Variants in SYNPR observed in about 807,000 individuals in gnomAD.
The protein encoded by SYNPR is synaptoporin.
In SYNPR, 23 loss-of-function variants were observed where a neutral mutation model predicts 32.9. That is an observed-to-expected ratio of 0.70 (90% CI 0.50 to 0.99). The LOEUF (loss-of-function observed/expected upper bound fraction) is 0.99, where lower values mean the gene tolerates loss of function less well. Among genes scored for constraint, SYNPR ranks in the 50% least tolerant of loss-of-function variants. SYNPR has a pLI of 0.00. For synonymous variants in SYNPR, 146 were observed against 135.9 expected, an observed-to-expected ratio of 1.07 and a Z score of -0.52; for missense variants, 318 against 349.3, an observed-to-expected ratio of 0.91 and a Z score of 0.71.
At chr3:63,285,722 A>G (rs960002939) in intron 2 of SYNPR, among the ~76,000 whole-genome samples, 1 of 152,178 alleles carries the variant, frequency 6.6e-6, no homozygotes, top group Non-Finnish European at 1.5e-5. Context: ...AATGCTTCTT[A>G]TGGATTTGAA....
At chr3:63,230,785 G>C (rs2086161181) in intron 1 of SYNPR, among the ~76,000 whole-genome samples, 2 of 152,110 alleles carry the variant, frequency 1.3e-5, no homozygotes, top group African/African-American at 2.4e-5. Context: ...GGATAAATAA[G>C]ATTTTACGGA....
At chr3:63,343,560 C>T (rs1386899553) in intron 2 of SYNPR, among the ~76,000 whole-genome samples, 1 of 152,094 alleles carries the variant, frequency 6.6e-6, no homozygotes, top group Non-Finnish European at 1.5e-5. Context: ...TACAACCCTC[C>T]TTTTTTTGTT....
intron 3 of SYNPR, among the ~76,000 whole-genome samples, chr3:63,540,105 A>C (rs1026424999): frequency 6.6e-6 from 1 of 152,162 alleles, no homozygotes; most frequent in Admixed American, 6.5e-5. Context: ...AGTTATAATA[A>C]TAGTATTTAT....
intron 2 of SYNPR, among the ~76,000 whole-genome samples, chr3:63,297,635 T>G (rs2086802778): frequency 6.6e-6 from 1 of 152,222 alleles, no homozygotes; most frequent in Non-Finnish European, 1.5e-5. Context: ...TTATTTATTC[T>G]ATAATTAGCA....
intron 4 of SYNPR, among the ~76,000 whole-genome samples, chr3:63,596,111 C>T (rs900656933): frequency 6.7e-6 from 1 of 150,232 alleles, no homozygotes; most frequent in Non-Finnish European, 1.5e-5. Context: ...CGTCATTTAG[C>T]ATTAGGTATA....
At chr3:63,537,571 G>A (rs1702231602) in intron 3 of SYNPR, among the ~76,000 whole-genome samples, 1 of 152,064 alleles carries the variant, frequency 6.6e-6, no homozygotes, top group Non-Finnish European at 1.5e-5. Flanking sequence ...CCTGGCACCT[G>A]GTGGCAATTA....
At chr3:63,554,602 G>A (rs1225944600) in intron 3 of SYNPR, among the ~76,000 whole-genome samples, 1 of 152,140 alleles carries the variant, frequency 6.6e-6, no homozygotes, top group African/African-American at 2.4e-5. Flanking sequence ...TGCTGTTTTG[G>A]TTGCTCTAGC....
chr3:63,518,315 C>A lies in SYNPR; in HGVS notation c.209+37359C>A, dbSNP rs555686307. Among the ~76,000 whole-genome samples the A allele has an allele frequency of 3.3e-5, 5 of 152,188 alleles. No individual in the cohort carries two copies. The East Asian group carries it at 9.7e-4, about 29-fold the overall frequency. The stretch of plus-strand genomic sequence containing the variant: ...TCTCTAAAGACTATGTTACCCACGC[C>A]AAGCCTTGAGAGTCCTGAATTCTTG... On this transcript the variant is annotated intron_variant, in intron 3 of 5. Coordinates refer to ENST00000478300, the MANE Select transcript of SYNPR (RefSeq NM_001130003.2).
intron 3 of SYNPR, among the ~76,000 whole-genome samples, chr3:63,271,755 G>A (rs924029554): frequency 6.6e-6 from 1 of 151,862 alleles, no homozygotes; most frequent in South Asian, 2.1e-4. Flanking sequence ...AAAATATGCT[G>A]TATTATATAA....
At chr3:63,311,343 A>C (rs1365503180) in intron 2 of SYNPR, among the ~76,000 whole-genome samples, 1 of 152,056 alleles carries the variant, frequency 6.6e-6, no homozygotes, top group Non-Finnish European at 1.5e-5. Context: ...TGTGGAATTT[A>C]GATAAAGTTT....
intron 2 of SYNPR, among the ~76,000 whole-genome samples, chr3:63,264,926 T>TGGGGG (rs34138232): frequency 3.3e-5 from 5 of 151,180 alleles, no homozygotes; most frequent in African/African-American, 1.2e-4. Context: ...CTCAGAATCA[T>TGGGGG]GGGGGAGCCA....
At chr3:63,511,957 C>T (rs1701706457) in intron 3 of SYNPR, among the ~76,000 whole-genome samples, 1 of 152,068 alleles carries the variant, frequency 6.6e-6, no homozygotes, top group Non-Finnish European at 1.5e-5. Context: ...GAAGTTACCC[C>T]ATACCAGCCA....
At chr3:63,532,086 T>C (rs551051257) in intron 3 of SYNPR, among the ~76,000 whole-genome samples, 3 of 152,332 alleles carry the variant, frequency 2.0e-5, no homozygotes, top group Non-Finnish European at 2.9e-5. Context: ...TTCCCTTTGT[T>C]CTTGCTCAAT....
chr3:63,232,668 T>TAG (rs2086175325), intron 1 of SYNPR, among the ~76,000 whole-genome samples: 1 of 152,216 alleles, frequency 6.6e-6, no homozygotes. Flanking sequence ...CTGTGAAGTG[T>TAG]AGAGTCCTTG....
chr3:63,445,034 G>A (rs1253894227), intron 2 of SYNPR, among the ~76,000 whole-genome samples: 1 of 151,482 alleles, frequency 6.6e-6, no homozygotes, highest in African/African-American at 2.4e-5. Context: ...CACCAGCATG[G>A]AACATCACCT....
chr3:63,295,730 A>C (rs1047436854), intron 2 of SYNPR, among the ~76,000 whole-genome samples: 14 of 152,206 alleles, frequency 9.2e-5, no homozygotes, highest in Admixed American at 9.2e-4. Context: ...TTTGATCTGA[A>C]TTGATCTTAT....
At chr3:63,278,612 G>C (rs2086598739) in intron 1 of SYNPR, 61 bp downstream of exon 1, 2 of 1,550,444 alleles carry the variant, frequency 1.3e-6, no homozygotes, top group African/African-American at 2.7e-5. Context: ...GCCGCGGCTT[G>C]GGAGAGGCGC....
chr3:63,247,710 C>A (rs2086302644), intron 1 of SYNPR, among the ~76,000 whole-genome samples: 1 of 152,122 alleles, frequency 6.6e-6, no homozygotes, highest in Non-Finnish European at 1.5e-5. Flanking sequence ...ATCCTTCTTT[C>A]CCAAACCTCA....
intron 2 of SYNPR, among the ~76,000 whole-genome samples, chr3:63,334,277 T>A (rs1023206695): frequency 6.6e-6 from 1 of 152,200 alleles, no homozygotes; most frequent in African/African-American, 2.4e-5. Flanking sequence ...TTTGGCTCAA[T>A]ACTTAAAATC....
Sources: gnomAD v4.1 joint callset for allele counts (sites outside exome capture counted in the v4.1 genomes callset) on GRCh38, gnomAD v4.1.1 for gene constraint, MANE v1.5 for transcripts, NCBI Gene and HGNC (gene_info 2026-07-23, HGNC 2026-07-21) for gene names.